The following AP2A1 variants were observed in gnomAD, a reference collection of about 807,000 sequenced individuals.
AP2A1 encodes AP-2 complex subunit alpha-1.
AP2A1 carries 21 observed loss-of-function variants against 107.3 expected under a neutral mutation model. The ratio of observed to expected loss-of-function variants is 0.20; its 90% CI spans 0.14 to 0.28. The LOEUF is 0.28. Among genes scored for constraint, AP2A1 ranks in the 10% least tolerant of loss-of-function variants. The pLI is 1.00. For synonymous variants in AP2A1, 602 were observed against 564.8 expected (o/e 1.07, Z -0.93); for missense variants, 873 against 1,307.7 (o/e 0.67, Z 5.13).
At position 49,802,023 on chromosome 19, in the gene AP2A1, G is replaced by T; in HGVS notation, c.1996G>T (p.Ala666Ser). ...CGCCGACCTCCTGGGGCTGCGGGCA[G>T]CCCCTCCCCCGGCAGCACCCCCGGC... ...PSADLLGLRA[A>S]PPPAAPPASA... Residue 666 changes from alanine (A) to serine (S), a missense_variant, in exon 15 of 23, where the codon GCC becomes TCC. By Grantham distance (99) the Ala-to-Ser change is moderately conservative. Coordinates refer to ENST00000354293, the MANE Select transcript of AP2A1 (RefSeq NM_130787.3). 1 of 1,562,184 alleles carries T rather than the reference G, an allele frequency of 6.4e-7. No individual in the cohort carries two copies.
chr19:49,803,241 G>T (rs1249830590), intron 17 of AP2A1, 46 bp from the exon 18 acceptor site: 1 of 1,613,348 alleles, frequency 6.2e-7, no homozygotes, highest in Admixed American at 1.7e-5. Flanking sequence ...TTGGGGAAGG[G>T]GTCAGAGGGA....
intron 21 of AP2A1, 42 bp from the exon 22 acceptor site, chr19:49,806,077 A>C: frequency 6.3e-7 from 1 of 1,592,644 alleles, no homozygotes; most frequent in African/African-American, 1.3e-5. Flanking sequence ...TGTGGTAACT[A>C]ACAGCTCTGG....
intron 1 of AP2A1, among the ~76,000 whole-genome samples, chr19:49,771,203 C>T (rs1224414935): frequency 1.3e-5 from 2 of 149,028 alleles, no homozygotes; most frequent in African/African-American, 5.0e-5. Flanking sequence ...GGACACGGCA[C>T]ATGCTTGTAG....
At chr19:49,796,372 C>T (rs1568584430) in intron 7 of AP2A1, 1 of 152,504 alleles carries the variant, frequency 6.6e-6, no homozygotes, top group East Asian at 1.9e-4. Flanking sequence ...TGCTCTAAAC[C>T]CCTCCCTCTG....
intron 4 of AP2A1, among the ~76,000 whole-genome samples, chr19:49,790,437 T>TG (rs2073127514): frequency 1.3e-5 from 2 of 152,230 alleles, no homozygotes; most frequent in Non-Finnish European, 2.9e-5. Flanking sequence ...CCACCCTTTT[T>TG]TTTGTTTGGA....
chr19:49,770,445 C>T (rs551662539), intron 1 of AP2A1, among the ~76,000 whole-genome samples: 2 of 152,260 alleles, frequency 1.3e-5, no homozygotes, highest in African/African-American at 2.4e-5. Flanking sequence ...CAGACTTGTC[C>T]ACCCCCTCCA....
chr19:49,806,255 T>C lies in AP2A1; in HGVS notation c.2790+2T>C. On this transcript the variant is annotated splice_donor_variant, in intron 22 of 22. Coordinates refer to ENST00000354293, the MANE Select transcript of AP2A1 (RefSeq NM_130787.3). LOFTEE classifies it high-confidence loss of function. ...CTGGAGCCCAATGCCCAGGCCCAGGTGAGTGCTGCTGTGGGAGGCCTGAGG... is the reference window on the plus strand; with the variant it reads ...CTGGAGCCCAATGCCCAGGCCCAGGCGAGTGCTGCTGTGGGAGGCCTGAGG... 6.2e-7 allele frequency: 1 copy of C among 1,600,048 alleles called. No homozygotes were observed.
rs755116448 is a variant in AP2A1, at chr19:49,801,432, G to A, written c.1596G>A (p.Leu532=). The A allele has an allele frequency of 6.8e-6, 11 of 1,613,774 alleles. No individual in the cohort carries two copies. Among genetic ancestry groups the A allele is most frequent in the Non-Finnish European group, 9.3e-6 (11 of 1,179,850 alleles). The change falls in exon 13 of 23, where the codon CTG becomes CTA. Residue 532 remains leucine, a synonymous_variant. Coordinates refer to ENST00000354293, the MANE Select transcript of AP2A1 (RefSeq NM_130787.3). ...QFSLLHSKFH[L]CSVATRALLL... ...CCCTGCTCCACTCCAAGTTCCATCT[G>A]TGCAGCGTGGCCACGCGGGCGCTGC...
At chr19:49,778,796 G>A (rs62129179) in intron 1 of AP2A1, among the ~76,000 whole-genome samples, 3,839 of 151,946 alleles carry the variant, frequency 0.025, 82 homozygotes, top group South Asian at 0.099. Context: ...TTTAAATTAA[G>A]TAATACATAT....
In AP2A1 at chr19:49,782,564, A is replaced by G; in HGVS notation, c.313A>G (p.Asn105Asp). Residue 105 changes from asparagine to aspartate, a missense_variant, in exon 4 of 23, where the codon AAC becomes GAC. Asn to Asp is a conservative substitution (Grantham distance 23). This residue lies in a region of AP2A1 where 87 missense variants were observed against 178.2 expected (regional missense o/e 0.49). Coordinates refer to ENST00000354293, the MANE Select transcript of AP2A1 (RefSeq NM_130787.3). ...YLFISVLVNS[N>D]SELIRLINNA... ...GTTCATTTCTGTGCTGGTGAACTCGAACTCGGAGCTGATCCGCCTCATCAA... is the reference window on the plus strand; with the variant it reads ...GTTCATTTCTGTGCTGGTGAACTCGGACTCGGAGCTGATCCGCCTCATCAA... The G allele has an allele frequency of 1.2e-6, 2 of 1,613,872 alleles. No homozygotes were observed. The highest frequency in any genetic ancestry group is 1.7e-6 in the Non-Finnish European group (2 of 1,179,822).
intron 15 of AP2A1, chr19:49,802,433 C>T (rs1211150720): frequency 8.5e-7 from 1 of 1,172,876 alleles, no homozygotes; most frequent in African/African-American, 1.5e-5. Flanking sequence ...CCTCTTCCGT[C>T]CCTCCCTCTC....
chr19:49,805,932 T>G lies in AP2A1; in HGVS notation c.2646T>G (p.Thr882=), dbSNP rs780346387. Residue 882 remains threonine, a synonymous_variant, in exon 21 of 23, where the codon ACT becomes ACG. Transcript: ENST00000354293. The part of the protein sequence containing the change: ...KANHPMDAEV[T]KAKLLGFGSA... ...ACCACCCCATGGACGCAGAAGTTACTAAGGCCAAGGTGAGAGACCGCGGGC... is the reference window on the plus strand; with the variant it reads ...ACCACCCCATGGACGCAGAAGTTACGAAGGCCAAGGTGAGAGACCGCGGGC... The G allele has an allele frequency of 1.9e-6, 3 of 1,613,708 alleles. No homozygotes were observed. Among genetic ancestry groups the G allele is most frequent in the Admixed American group, 1.7e-5 (1 of 60,002 alleles).
chr19:49,795,068 G>A (rs1052821911), intron 6 of AP2A1, among the ~76,000 whole-genome samples: 6 of 152,174 alleles, frequency 3.9e-5, no homozygotes, highest in African/African-American at 1.4e-4. Context: ...CCCAATCCCT[G>A]CCCCTGAGTG....
In AP2A1 at chr19:49,802,067, C is replaced by T. The variant is rs1319799002; in HGVS notation, c.2040C>T (p.Asn680=). 6 of 1,592,514 alleles carry T rather than the reference C, an allele frequency of 3.8e-6. No homozygotes were observed. Among genetic ancestry groups the T allele is most frequent in the African/African-American group, 1.3e-5 (1 of 74,660 alleles). ...CCCCGGCTTCTGCAGGAGCAGGGAA[C>T]CTTCTGGTGGACGTCTTCGATGGCC... ...AAPPASAGAG[N]LLVDVFDGPA... Residue 680 remains asparagine, a synonymous_variant, in exon 15 of 23, where the codon AAC becomes AAT. Transcript: ENST00000354293.
chr19:49,802,669 G>T, intron 15 of AP2A1: 1 of 1,398,740 alleles, frequency 7.1e-7, no homozygotes, highest in Non-Finnish European at 9.5e-7. Context: ...AGAGTTAGGG[G>T]ACTGGGAGCC....
chr19:49,801,323 C>T, intron 12 of AP2A1, 67 bp from the exon 13 acceptor site: 1 of 1,498,972 alleles, frequency 6.7e-7, no homozygotes, highest in Non-Finnish European at 9.2e-7. Flanking sequence ...GGAGGGGCAC[C>T]TCTCGAGGGG....
chr19:49,773,101 G>A (rs2084582181), intron 1 of AP2A1, among the ~76,000 whole-genome samples: 1 of 152,160 alleles, frequency 6.6e-6, no homozygotes, highest in South Asian at 2.1e-4. Context: ...GAAGGGTCTA[G>A]AAGGTGAAAG....
At position 49,801,637 on chromosome 19, in the gene AP2A1, C is replaced by G. The variant is rs1415911249; in HGVS notation, c.1785+16C>G. The stretch of plus-strand genomic sequence containing the variant: ...CGACGTCCTGGTCAGAGCCCTGTCC[C>G]CCCACCCCACCCCTCTTGCACACCC... On this transcript the variant is annotated intron_variant, in intron 13 of 22. Transcript: ENST00000354293. The G allele has an allele frequency of 6.4e-7, 1 of 1,567,782 alleles. No homozygotes were observed. Among genetic ancestry groups the G allele is most frequent in the African/African-American group, 1.4e-5 (1 of 73,000 alleles).
intron 4 of AP2A1, among the ~76,000 whole-genome samples, chr19:49,789,721 A>T (rs952715313): frequency 7.9e-5 from 12 of 151,066 alleles, no homozygotes; most frequent in Admixed American, 2.6e-4. Flanking sequence ...GGTGTAAGCC[A>T]CCATGCCTGG....
Sources: gnomAD v4.1 joint callset for allele counts (sites outside exome capture counted in the v4.1 genomes callset) on GRCh38, gnomAD v4.1.1 for gene constraint, gnomAD v4.1.1 regional missense constraint, MANE v1.5 for transcripts, NCBI Gene and HGNC (gene_info 2026-07-23, HGNC 2026-07-21) for gene names.